Variants in PIGN observed in about 807,000 individuals in gnomAD.
The protein encoded by PIGN is phosphatidylinositol glycan anchor biosynthesis class N, also known as GPI ethanolamine phosphate transferase 1.
A neutral mutation model predicts 125.4 loss-of-function variants in PIGN; 117 were observed. That is an observed-to-expected ratio of 0.93 (90% CI 0.80 to 1.09). The LOEUF (loss-of-function observed/expected upper bound fraction) is 1.09. PIGN is among the 50% of genes least tolerant of loss of function. The probability of loss-of-function intolerance (pLI) is 0.00; values close to 1 mark genes in which losing one functional copy is unlikely to be tolerated. For missense variants in PIGN, 1,075 were observed against 1,094.9 expected (o/e 0.98, Z 0.26); for synonymous variants, 392 against 377.8 (o/e 1.04, Z -0.44).
rs965101272 is a variant in PIGN at position 62,041,268 on chromosome 18, C to A, written c.*4588G>T. ...GGCTAGACAATGAGCCATGATGAAC[C>A]GAATGCAATCTGGTACCACTGGCCT... On this transcript the variant is annotated 3_prime_UTR_variant, in exon 31 of 31. Transcript: ENST00000640252. 1 of 152,142 alleles carries A rather than the reference C, an allele frequency of 6.6e-6. No individual in the cohort carries two copies. Among genetic ancestry groups the A allele is most frequent in the Non-Finnish European group, 1.5e-5 (1 of 68,034 alleles). The allele number at this position is 152,142 out of a possible 1,614,324, so 9.4% of individuals were successfully genotyped here.
intron 23 of PIGN, among the ~76,000 whole-genome samples, chr18:62,028,220 C>T (rs2030149312): frequency 6.6e-6 from 1 of 152,180 alleles, no homozygotes; most frequent in African/African-American, 2.4e-5. Flanking sequence ...ATACCTGAGC[C>T]TCCTGGGAAA....
At chr18:62,024,165 T>C (rs1274135083) in intron 23 of PIGN, among the ~76,000 whole-genome samples, 1 of 152,216 alleles carries the variant, frequency 6.6e-6, no homozygotes, top group Admixed American at 6.5e-5. Context: ...TTCCTTTATT[T>C]TGGATATACA....
In PIGN at chr18:62,145,981, C is replaced by A; in HGVS notation, c.850G>T (p.Val284Phe). The A allele has an allele frequency of 1.2e-6, 2 of 1,607,768 alleles. No individual in the cohort carries two copies. The highest frequency in any genetic ancestry group is 1.7e-5 in the Admixed American group (1 of 59,604). Reference sequence around the variant, plus strand: ...TACTTGATTCCAGCTCCCCAAGTGACTAAAGGAGTTAAAGTCTCTGAAGGA... The same window carrying A: ...TACTTGATTCCAGCTCCCCAAGTGAATAAAGGAGTTAAAGTCTCTGAAGGA... ...GHPSETLTPL[V>F]TWGAGIKYPQ... Residue 284 changes from valine to phenylalanine, a missense_variant, in exon 10 of 31, where the codon GTC becomes TTC. Physicochemically the swap from Val to Phe is conservative, Grantham distance 50 (BLOSUM62 -1). Coordinates refer to ENST00000640252, the MANE Select transcript of PIGN (RefSeq NM_176787.5).
Position 62,113,133 on chromosome 18 carries a change from C to T in PIGN, c.1434+1G>A. ...TGAATCCTCACATTTTCTAAACGTA[C>T]CTTCACTTCTTTACTAACACCTTTT... On this transcript the variant is annotated splice_donor_variant, in intron 16 of 30. Coordinates refer to ENST00000640252, the MANE Select transcript of PIGN (RefSeq NM_176787.5). LOFTEE classifies it high-confidence loss of function. The T allele has an allele frequency of 1.9e-6, 3 of 1,599,948 alleles. No individual in the cohort carries two copies. In the South Asian group the frequency reaches 3.4e-5, roughly 18 times the overall value.
chr18:62,032,958 C>T (rs1011802587), intron 23 of PIGN, among the ~76,000 whole-genome samples: 6 of 152,178 alleles, frequency 3.9e-5, no homozygotes, highest in African/African-American at 1.4e-4. Context: ...GTTTTGGTCA[C>T]AAGTAACAGA....
intron 1 of PIGN, among the ~76,000 whole-genome samples, chr18:62,180,444 A>G (rs979773667): frequency 2.6e-5 from 4 of 152,206 alleles, no homozygotes; most frequent in African/African-American, 9.6e-5. Context: ...AAGTGTCCAT[A>G]CTAATTTACA....
intron 14 of PIGN, among the ~76,000 whole-genome samples, chr18:62,133,673 C>G (rs958836788): frequency 6.6e-6 from 1 of 152,058 alleles, no homozygotes; most frequent in South Asian, 2.1e-4. Flanking sequence ...ATATACATTT[C>G]TCATTATTTT....
intron 25 of PIGN, chr18:62,088,337 T>C (rs1402268134): frequency 1.3e-5 from 2 of 154,112 alleles, no homozygotes; most frequent in African/African-American, 2.4e-5. Context: ...AAAACCTCTG[T>C]GAGACAGATG....
chr18:62,120,605 T>C (rs77238294), intron 14 of PIGN, among the ~76,000 whole-genome samples: 10,165 of 152,144 alleles, frequency 0.067, 634 homozygotes, highest in African/African-American at 0.16. Context: ...GTATGAAAGT[T>C]ATTTAAAGTT....
intron 26 of PIGN, 113 bp from the exon 27 acceptor site, chr18:62,084,719 A>G: frequency 1.3e-6 from 1 of 741,318 alleles, no homozygotes; most frequent in Non-Finnish European, 2.3e-6. Flanking sequence ...ACTAAAACAC[A>G]AGCAAACATC....
At chr18:62,090,624 A>G (rs910963029) in intron 23 of PIGN, 46 bp from the exon 24 acceptor site, 1 of 1,111,396 alleles carries the variant, frequency 9.0e-7, no homozygotes, top group Non-Finnish European at 1.3e-6. Flanking sequence ...AAACAGTAAA[A>G]TAAGTAAAAA....
At chr18:62,119,417 T>C (rs1352688960) in intron 14 of PIGN, among the ~76,000 whole-genome samples, 1 of 152,222 alleles carries the variant, frequency 6.6e-6, no homozygotes, top group African/African-American at 2.4e-5. Context: ...GAACAGAATC[T>C]ATTTTTTTAA....
chr18:62,071,904 ATATAT>A (rs2032894369), intron 30 of PIGN, among the ~76,000 whole-genome samples: 1 of 103,266 alleles, frequency 9.7e-6, no homozygotes, highest in East Asian at 2.5e-4. Flanking sequence ...ATATATATAT[ATATAT>A]AAATTTAACT....
Position 62,090,354 on chromosome 18 carries a change from C to T in PIGN, c.2283+122G>A, listed in dbSNP as rs570597702. The T allele has an allele frequency of 4.5e-4, 265 of 590,734 alleles. 1 individual carries two copies. The South Asian group carries it at 5.2e-3, about 12-fold the overall frequency. 36.6% of individuals were successfully genotyped at this position (590,734 alleles called of 1,614,324 possible). On this transcript the variant is annotated intron_variant, in intron 24 of 30. Transcript: ENST00000640252. ...GTTTAACTTAATTATTAATGCCAAA[C>T]AACTAAAACTTTTAACACTAAAATT...
At chr18:62,074,009 T>C (rs2033037561) in intron 29 of PIGN, among the ~76,000 whole-genome samples, 1 of 152,196 alleles carries the variant, frequency 6.6e-6, no homozygotes, top group Non-Finnish European at 1.5e-5. Context: ...CAGTATGTGA[T>C]CAAGCCCCAC....
chr18:62,183,286 T>C (rs2037782219), intron 1 of PIGN, among the ~76,000 whole-genome samples: 1 of 152,194 alleles, frequency 6.6e-6, no homozygotes, highest in Non-Finnish European at 1.5e-5. Flanking sequence ...CAGTGCCTTT[T>C]CACCTACTAA....
At chr18:62,138,123 C>G in intron 14 of PIGN, 120 bp downstream of exon 14, 1 of 1,338,946 alleles carries the variant, frequency 7.5e-7, no homozygotes, top group Non-Finnish European at 1.0e-6. Flanking sequence ...TTGGAGTTTA[C>G]ACTAATGTAT....
chr18:62,154,535 T>G lies in PIGN; in HGVS notation c.549+10A>C. 1 of 1,279,718 alleles carries G rather than the reference T, an allele frequency of 7.8e-7. No individual in the cohort carries two copies. Among genetic ancestry groups the G allele is most frequent in the Non-Finnish European group, 1.1e-6 (1 of 879,112 alleles). 79.3% of individuals were successfully genotyped at this position (1,279,718 alleles called of 1,614,324 possible). On this transcript the variant is annotated intron_variant, in intron 7 of 30. Coordinates refer to ENST00000640252, the MANE Select transcript of PIGN (RefSeq NM_176787.5). ...TGCTTTTTGTATATTAACCACTCAA[T>G]AGCACAAACCTTAACATTATCAAAA...
At chr18:62,094,038 T>A (rs1334155453) in intron 23 of PIGN, among the ~76,000 whole-genome samples, 6 of 152,144 alleles carry the variant, frequency 3.9e-5, no homozygotes, top group Non-Finnish European at 8.8e-5. Flanking sequence ...AAATTTTCAC[T>A]TTTTAGATTT....
Sources: allele counts gnomAD v4.1 joint callset (sites outside exome capture counted in the v4.1 genomes callset), GRCh38; gene constraint gnomAD v4.1.1; transcripts MANE v1.5; gene names NCBI Gene and HGNC (gene_info 2026-07-23, HGNC 2026-07-21).